PRKN: variants seen among roughly 807,000 people sequenced by gnomAD.
The protein encoded by PRKN is parkin RBR E3 ubiquitin protein ligase.
PRKN carries 56 observed loss-of-function variants against 59.5 expected under a neutral mutation model. The ratio of observed to expected loss-of-function variants is 0.94; its 90% CI spans 0.76 to 1.18. PRKN has a LOEUF of 1.18. Among genes scored for constraint, PRKN ranks in the 50% most tolerant of loss-of-function variants. The pLI, the probability that PRKN is intolerant of heterozygous loss-of-function variation, is 0.00. For synonymous variants in PRKN, 250 were observed against 222.1 expected (o/e 1.13, Z -1.12); for missense variants, 657 against 596.4 (o/e 1.10, Z -1.06).
chr6:161,524,993 AT>A (rs968491643), intron 9 of PRKN, among the ~76,000 whole-genome samples: 1 of 152,178 alleles, frequency 6.6e-6, no homozygotes, highest in African/African-American at 2.4e-5. Flanking sequence ...AATTTCTTAC[AT>A]CTTTTACACA....
intron 8 of PRKN, among the ~76,000 whole-genome samples, chr6:161,553,240 T>C (rs752564432): frequency 3.3e-5 from 5 of 151,872 alleles, no homozygotes; most frequent in African/African-American, 4.8e-5. Flanking sequence ...ATTTTGCTGA[T>C]TGTATCCAAT....
At position 162,413,613 on chromosome 6, in the gene PRKN, C is replaced by G. The variant is rs1015699519; in HGVS notation, c.171+29697G>C. On this transcript the variant is annotated intron_variant, in intron 2 of 11. Coordinates refer to ENST00000366898, the MANE Select transcript of PRKN (RefSeq NM_004562.3). ...CTTTTTTTCCATTTCATTCAAAAAA[C>G]TATTGTGCAAATCACCATTCTATTG... Among the ~76,000 whole-genome samples, 33 of 152,268 alleles carry G rather than the reference C, an allele frequency of 2.2e-4. 1 individual carries two copies. The highest frequency in any genetic ancestry group is 7.9e-4 in the African/African-American group (33 of 41,540).
At chr6:162,134,441 C>A (rs1206077262) in intron 4 of PRKN, among the ~76,000 whole-genome samples, 1 of 152,150 alleles carries the variant, frequency 6.6e-6, no homozygotes, top group Non-Finnish European at 1.5e-5. Context: ...AAGAGAACAT[C>A]AAATATTCGC....
At chr6:162,141,163 T>A (rs1020381137) in intron 4 of PRKN, among the ~76,000 whole-genome samples, 1 of 151,622 alleles carries the variant, frequency 6.6e-6, no homozygotes, top group Non-Finnish European at 1.5e-5. Flanking sequence ...AAAATAAAAA[T>A]AAAAAAGATT....
chr6:162,158,723 G>A (rs954722294), intron 4 of PRKN, among the ~76,000 whole-genome samples: 2 of 151,900 alleles, frequency 1.3e-5, no homozygotes, highest in African/African-American at 4.8e-5. Flanking sequence ...AAGCCACCGC[G>A]TCCAGCTGCT....
At chr6:162,722,908 T>G (rs1321515000) in intron 1 of PRKN, among the ~76,000 whole-genome samples, 3 of 152,190 alleles carry the variant, frequency 2.0e-5, no homozygotes, top group Non-Finnish European at 2.9e-5. Flanking sequence ...CATAAAATCT[T>G]CTATGCAAAA....
chr6:161,776,862 T>C (rs1171249338), intron 7 of PRKN, among the ~76,000 whole-genome samples: 2 of 152,366 alleles, frequency 1.3e-5, no homozygotes, highest in South Asian at 4.1e-4. Flanking sequence ...GAGCCTTTAC[T>C]TCTTCCTCTG....
At chr6:161,835,057 C>A (rs948527143) in intron 6 of PRKN, among the ~76,000 whole-genome samples, 1 of 152,144 alleles carries the variant, frequency 6.6e-6, no homozygotes, top group South Asian at 2.1e-4. Context: ...AGGGTAAGTC[C>A]GTCTCTTACT....
At chr6:161,624,321 C>T (rs1318718620) in intron 7 of PRKN, among the ~76,000 whole-genome samples, 1 of 152,180 alleles carries the variant, frequency 6.6e-6, no homozygotes, top group Non-Finnish European at 1.5e-5. Context: ...TTCCTGAAGA[C>T]AGAAGAGTTG....
Position 161,544,775 on chromosome 6 carries a change from A to G in PRKN, c.1083+4079T>C, listed in dbSNP as rs565592343. On this transcript the variant is annotated intron_variant, in intron 9 of 11. Coordinates refer to ENST00000366898, the MANE Select transcript of PRKN (RefSeq NM_004562.3). This position sits in a 1 kb window ranked among gnomAD's most constrained non-coding sequence, Gnocchi z 5.5. Reference sequence around the variant, plus strand: ...CACTTAAATGGAAATCCCTGTCTTCATTTATTAGTTAAGGTACATTGCTCC... The same window carrying G: ...CACTTAAATGGAAATCCCTGTCTTCGTTTATTAGTTAAGGTACATTGCTCC... Among the ~76,000 whole-genome samples the G allele has an allele frequency of 2.5e-4, 38 of 152,348 alleles. No homozygotes were observed. The South Asian group carries it at 7.7e-3, about 31-fold the overall frequency.
chr6:162,477,808 T>G (rs1482486457), intron 1 of PRKN, among the ~76,000 whole-genome samples: 1 of 152,200 alleles, frequency 6.6e-6, no homozygotes, highest in Non-Finnish European at 1.5e-5. Context: ...ACAGCATCTC[T>G]AACTATTCAG....
chr6:161,970,986 A>C (rs901055873), intron 6 of PRKN, among the ~76,000 whole-genome samples: 5 of 152,188 alleles, frequency 3.3e-5, no homozygotes, highest in African/African-American at 1.2e-4. Context: ...CCTCGAAGTC[A>C]GAAGAAAGAG....
At chr6:162,437,811 T>C (rs964147823) in intron 2 of PRKN, among the ~76,000 whole-genome samples, 1 of 152,200 alleles carries the variant, frequency 6.6e-6, no homozygotes. Flanking sequence ...AGGTACCAGT[T>C]TGTTGAACCA....
chr6:162,195,878 T>C (rs777841164), intron 4 of PRKN, among the ~76,000 whole-genome samples: 3 of 152,180 alleles, frequency 2.0e-5, no homozygotes, highest in Non-Finnish European at 2.9e-5. Flanking sequence ...CTGGAGAATT[T>C]TGCTCCCAGG....
intron 2 of PRKN, among the ~76,000 whole-genome samples, chr6:162,346,763 T>C (rs549459155): frequency 5.9e-5 from 9 of 152,304 alleles, no homozygotes; most frequent in South Asian, 2.1e-4. Context: ...TCTGTCAATA[T>C]GGTAAATTAC....
At chr6:162,350,222 T>C (rs1202590102) in intron 2 of PRKN, among the ~76,000 whole-genome samples, 1 of 152,126 alleles carries the variant, frequency 6.6e-6, no homozygotes, top group Non-Finnish European at 1.5e-5. Context: ...GTAAATGAAG[T>C]ATGTTATGTT....
In PRKN at chr6:162,668,114, A is replaced by G. The variant is rs896925779; in HGVS notation, c.7+59548T>C. ...AAATATTCTTTGAACCATTAGAGTA[A>G]TAATTTTCCCCTGGTGTCAAGGTTA... On this transcript the variant is annotated intron_variant, in intron 1 of 11. Coordinates refer to ENST00000366898, the MANE Select transcript of PRKN (RefSeq NM_004562.3). Among the ~76,000 whole-genome samples, 2 of 152,222 alleles carry G rather than the reference A, an allele frequency of 1.3e-5. 1 individual carries two copies. Among genetic ancestry groups the G allele is most frequent in the Non-Finnish European group, 2.9e-5 (2 of 68,038 alleles).
intron 2 of PRKN, among the ~76,000 whole-genome samples, chr6:162,322,230 T>C (rs962478762): frequency 1.2e-4 from 18 of 152,006 alleles, no homozygotes; most frequent in African/African-American, 4.1e-4. Context: ...TACGCAAAAA[T>C]AAATTTACAA....
chr6:161,992,725 G>A (rs1400376107), intron 5 of PRKN, among the ~76,000 whole-genome samples: 1 of 152,106 alleles, frequency 6.6e-6, no homozygotes, highest in African/African-American at 2.4e-5. Context: ...CAAGAAATTT[G>A]TTAAAATCAA....
Sources: gnomAD v4.1 joint callset for allele counts (sites outside exome capture counted in the v4.1 genomes callset) on GRCh38, gnomAD v4.1.1 for gene constraint, Gnocchi (gnomAD v3.1) non-coding constraint, MANE v1.5 for transcripts, NCBI Gene and HGNC (gene_info 2026-07-23, HGNC 2026-07-21) for gene names.